The following RIPOR2 variants were observed in gnomAD, a reference collection of about 807,000 sequenced individuals.
RIPOR2 encodes the protein RHO family interacting cell polarization regulator 2, also known as rho family-interacting cell polarization regulator 2.
RIPOR2 carries 39 observed loss-of-function variants against 114.5 expected under a neutral mutation model. The observed-to-expected ratio is 0.34, with a 90% CI of 0.26 to 0.44. The LOEUF is 0.44. Ranked by LOEUF, RIPOR2 falls within the 20% of genes least tolerant of loss-of-function variation. The probability of loss-of-function intolerance (pLI) is 1.00; values close to 1 mark genes in which losing one functional copy is unlikely to be tolerated. For missense variants in RIPOR2, 1,007 were observed against 1,255.1 expected (o/e 0.80, Z 2.99); for synonymous variants, 445 against 484.4 (o/e 0.92, Z 1.07).
intron 1 of RIPOR2, among the ~76,000 whole-genome samples, chr6:24,991,120 C>A (rs549898382): frequency 5.3e-5 from 8 of 152,118 alleles, no homozygotes; most frequent in Non-Finnish European, 1.0e-4. Flanking sequence ...AACAAGCATG[C>A]GTCATTAGCC....
chr6:24,922,768 CA>C (rs1770588914), intron 1 of RIPOR2, among the ~76,000 whole-genome samples: 1 of 138,230 alleles, frequency 7.2e-6, no homozygotes, highest in Admixed American at 8.3e-5. Context: ...GGCTGAGGCA[CA>C]AGAATTGCTT....
intron 1 of RIPOR2, among the ~76,000 whole-genome samples, chr6:24,957,611 C>T (rs563598799): frequency 1.1e-3 from 174 of 152,268 alleles, no homozygotes; most frequent in African/African-American, 3.8e-3. Context: ...CAGTGGCTCA[C>T]GCCTGTAATC....
chr6:24,983,915 A>G (rs933532593), intron 1 of RIPOR2, among the ~76,000 whole-genome samples: 26 of 152,230 alleles, frequency 1.7e-4, no homozygotes, highest in East Asian at 5.8e-4. Context: ...ATTACGTGGG[A>G]CTTCAGAGAA....
chr6:24,958,770 A>G (rs968926812), intron 1 of RIPOR2, among the ~76,000 whole-genome samples: 2 of 152,082 alleles, frequency 1.3e-5, no homozygotes, highest in African/African-American at 4.8e-5. Context: ...GCTGAAACCA[A>G]TAGAAATTTA....
intron 10 of RIPOR2, 45 bp from the exon 11 acceptor site, chr6:24,849,995 G>A (rs1246230204): frequency 2.0e-6 from 3 of 1,537,290 alleles, no homozygotes; most frequent in Non-Finnish European, 8.9e-7. Context: ...TCACAGCAGA[G>A]GAGAAAGGTA....
At chr6:24,963,033 G>A (rs1773373045) in intron 1 of RIPOR2, among the ~76,000 whole-genome samples, 1 of 151,950 alleles carries the variant, frequency 6.6e-6, no homozygotes, top group African/African-American at 2.4e-5. Context: ...GAATGCATGT[G>A]TTTTTTTGTT....
intron 1 of RIPOR2, among the ~76,000 whole-genome samples, chr6:25,018,481 T>G (rs1409777966): frequency 1.3e-5 from 2 of 152,170 alleles, no homozygotes; most frequent in Non-Finnish European, 2.9e-5. Context: ...AAAGCAGATG[T>G]TTTTTCTATA....
chr6:24,935,657 C>G (rs1232483891), intron 1 of RIPOR2, among the ~76,000 whole-genome samples, 181 bp downstream of exon 1: 1 of 152,208 alleles, frequency 6.6e-6, no homozygotes, highest in African/African-American at 2.4e-5. Context: ...TGTTCCACCC[C>G]TTGCCTTGTG....
chr6:24,980,461 G>C (rs1004732937), intron 1 of RIPOR2, among the ~76,000 whole-genome samples: 1 of 152,148 alleles, frequency 6.6e-6, no homozygotes, highest in African/African-American at 2.4e-5. Context: ...TGGATTTTTA[G>C]AATAGTACTG....
intron 1 of RIPOR2, among the ~76,000 whole-genome samples, chr6:24,990,513 G>A (rs1291199819): frequency 6.6e-6 from 1 of 152,206 alleles, no homozygotes; most frequent in Non-Finnish European, 1.5e-5. Context: ...TCTGAAAAAA[G>A]TGGACTGATT....
intron 1 of RIPOR2, among the ~76,000 whole-genome samples, chr6:25,019,774 C>CAAAAAAAAAAA (rs34107737): frequency 1.7e-4 from 9 of 53,118 alleles, no homozygotes; most frequent in Admixed American, 5.6e-4. Context: ...GACTCTGTCT[C>CAAAAAAAAAAA]AAAAAAAAAA....
intron 1 of RIPOR2, among the ~76,000 whole-genome samples, chr6:24,892,602 T>A (rs997166334): frequency 2.0e-5 from 3 of 152,168 alleles, no homozygotes; most frequent in Non-Finnish European, 4.4e-5. Context: ...CCTCATCTCA[T>A]CAGCCTGGGT....
intron 8 of RIPOR2, among the ~76,000 whole-genome samples, chr6:24,853,434 G>A (rs4712861): frequency 0.73 from 111,750 of 152,180 alleles, 42,232 homozygotes; most frequent in Non-Finnish European, 0.83. Flanking sequence ...ACTGAGAGCC[G>A]GCTATATGTA....
At position 24,869,216 on chromosome 6, in the gene RIPOR2, T is replaced by A; in HGVS notation, c.448-69A>T. 4.1e-6 allele frequency: 3 copies of A among 723,334 alleles called. No homozygotes were observed. The East Asian group carries it at 8.2e-5, about 20-fold the overall frequency. 44.8% of individuals were successfully genotyped at this position (723,334 alleles called of 1,614,324 possible). A position where few individuals can be genotyped will look rare whatever the true frequency, so the allele number is the denominator to read the frequency against. On this transcript the variant is annotated intron_variant, in intron 5 of 21. Coordinates refer to ENST00000643898, the MANE Select transcript of RIPOR2 (RefSeq NM_001286445.3). ...CAATTGACTTAGGCTTGTGAGAATA[T>A]CTTGATTATATCATACTCAAAAGTA...
intron 21 of RIPOR2, among the ~76,000 whole-genome samples, chr6:24,808,762 CTTTT>C (rs10587871): frequency 6.2e-5 from 8 of 128,054 alleles, no homozygotes; most frequent in Non-Finnish European, 1.2e-4. Context: ...ATACTTTTTT[CTTTT>C]TTTTTTTTTT....
chr6:24,886,812 T>C (rs549315967), intron 1 of RIPOR2, among the ~76,000 whole-genome samples: 5 of 152,328 alleles, frequency 3.3e-5, no homozygotes, highest in Admixed American at 1.3e-4. Context: ...AGTTGATACA[T>C]AGTTGGTAAG....
exon 1 of RIPOR2, chr6:25,041,930 C>T: frequency 1.4e-6 from 1 of 702,384 alleles, no homozygotes; most frequent in South Asian, 1.5e-5. Flanking sequence ...ACACCATGGT[C>T]CCAACAGAGC....
At chr6:24,833,949 TTATTCTCTAAAAGA>T (rs146630423) in intron 15 of RIPOR2, among the ~76,000 whole-genome samples, 3,991 of 152,274 alleles carry the variant, frequency 0.026, 156 homozygotes, top group African/African-American at 0.084. Flanking sequence ...AAAATAGCTA[TTATTCTCTAAAAGA>T]GAAACAAGTG....
At chr6:24,842,759 T>C (rs1328207203) in intron 13 of RIPOR2, 103 bp downstream of exon 13, 2 of 553,054 alleles carry the variant, frequency 3.6e-6, no homozygotes, top group Non-Finnish European at 5.7e-6. Flanking sequence ...AATCCTGTGA[T>C]TGGACAGGAT....
Sources: gnomAD v4.1 joint callset for allele counts (sites outside exome capture counted in the v4.1 genomes callset) on GRCh38, gnomAD v4.1.1 for gene constraint, MANE v1.5 for transcripts, NCBI Gene and HGNC (gene_info 2026-07-23, HGNC 2026-07-21) for gene names.